ABTB2: variants seen among roughly 807,000 people sequenced by gnomAD.
ABTB2 encodes ankyrin repeat and BTB domain containing 2.
Under a neutral mutation model 104.1 loss-of-function variants are expected in ABTB2, and 56 were observed. That is an observed-to-expected ratio of 0.54 (90% CI 0.43 to 0.67). ABTB2 has a LOEUF of 0.67. Ranked by LOEUF, ABTB2 falls within the 30% of genes least tolerant of loss-of-function variation. The pLI is 0.00. For synonymous variants in ABTB2, 606 were observed against 608.2 expected (o/e 1.00, Z 0.05); for missense variants, 1,279 against 1,407.7 (o/e 0.91, Z 1.46).
intron 7 of ABTB2, among the ~76,000 whole-genome samples, chr11:34,166,144 C>T (rs1852797498): frequency 6.6e-6 from 1 of 152,234 alleles, no homozygotes; most frequent in Non-Finnish European, 1.5e-5. Flanking sequence ...AGCAACCTTC[C>T]AGCCCTCCCA....
intron 1 of ABTB2, among the ~76,000 whole-genome samples, chr11:34,257,330 T>C (rs932505009): frequency 6.6e-6 from 1 of 152,122 alleles, no homozygotes; most frequent in African/African-American, 2.4e-5. Flanking sequence ...TTAGAATTGG[T>C]ACTTATCAAA....
intron 1 of ABTB2, among the ~76,000 whole-genome samples, chr11:34,217,777 C>T (rs563264381): frequency 6.6e-6 from 1 of 152,188 alleles, no homozygotes; most frequent in Non-Finnish European, 1.5e-5. Context: ...AAGTTTTTAA[C>T]TCCTTTGGGC....
chr11:34,166,958 G>T (rs1328672279), intron 7 of ABTB2, among the ~76,000 whole-genome samples: 8 of 152,256 alleles, frequency 5.3e-5, no homozygotes, highest in African/African-American at 1.9e-4. Context: ...GTGGGACTGG[G>T]ACAGCCCCCA....
chr11:34,215,700 T>C (rs989835233), intron 1 of ABTB2, among the ~76,000 whole-genome samples: 2 of 152,346 alleles, frequency 1.3e-5, no homozygotes, highest in African/African-American at 4.8e-5. Flanking sequence ...TCATACTTCC[T>C]AATTCACAAG....
At chr11:34,155,132 C>A (rs1852604752) in intron 14 of ABTB2, among the ~76,000 whole-genome samples, 1 of 152,240 alleles carries the variant, frequency 6.6e-6, no homozygotes, top group Admixed American at 6.5e-5. Context: ...CCCCTGATGC[C>A]TGCAGCAGGG....
At chr11:34,320,998 C>T (rs1854994710) in intron 1 of ABTB2, among the ~76,000 whole-genome samples, 1 of 152,146 alleles carries the variant, frequency 6.6e-6, no homozygotes, top group South Asian at 2.1e-4. Context: ...GCCTGACCAA[C>T]ATGGAGAAAC....
At chr11:34,264,203 T>C (rs749508407) in intron 1 of ABTB2, among the ~76,000 whole-genome samples, 53 of 152,168 alleles carry the variant, frequency 3.5e-4, no homozygotes, top group Non-Finnish European at 1.2e-4. Flanking sequence ...ATAGGGAGTA[T>C]AGTGAGCAGT....
At chr11:34,167,216 C>G in intron 7 of ABTB2, 43 bp downstream of exon 7, 1 of 1,547,664 alleles carries the variant, frequency 6.5e-7, no homozygotes, top group South Asian at 1.2e-5. Flanking sequence ...CCCAGGTCAC[C>G]TGGTAAGCTG....
At chr11:34,255,172 G>A (rs553710121) in intron 1 of ABTB2, among the ~76,000 whole-genome samples, 62 of 152,098 alleles carry the variant, frequency 4.1e-4, no homozygotes, top group Non-Finnish European at 7.6e-4. Context: ...AAGCTGAATC[G>A]GATTAAGCAC....
intron 1 of ABTB2, among the ~76,000 whole-genome samples, chr11:34,237,340 C>T (rs11032573): frequency 0.019 from 2,847 of 149,162 alleles, 101 homozygotes; most frequent in African/African-American, 0.066. Context: ...GGCAGTGGCG[C>T]CATCTCAGCT....
At chr11:34,246,845 TTC>T (rs1853990987) in intron 1 of ABTB2, among the ~76,000 whole-genome samples, 2 of 126,394 alleles carry the variant, frequency 1.6e-5, no homozygotes, top group African/African-American at 3.1e-5. Flanking sequence ...TTTTTCTTTT[TTC>T]TTTTTTTTTT....
At chr11:34,305,949 C>A (rs1854765798) in intron 1 of ABTB2, among the ~76,000 whole-genome samples, 1 of 152,168 alleles carries the variant, frequency 6.6e-6, no homozygotes, top group African/African-American at 2.4e-5. Flanking sequence ...TATCAATCCA[C>A]ATCATTATAT....
At chr11:34,265,912 T>C (rs1234092781) in intron 1 of ABTB2, among the ~76,000 whole-genome samples, 3 of 152,130 alleles carry the variant, frequency 2.0e-5, no homozygotes, top group East Asian at 3.9e-4. Flanking sequence ...GAGGTTGCAG[T>C]GAGCCAAGAT....
At chr11:34,338,707 C>CA (rs965887220) in intron 1 of ABTB2, among the ~76,000 whole-genome samples, 13 of 151,984 alleles carry the variant, frequency 8.6e-5, no homozygotes, top group African/African-American at 3.1e-4. Context: ...CCTCTCAAAA[C>CA]AAAACAAAAA....
intron 1 of ABTB2, among the ~76,000 whole-genome samples, chr11:34,237,894 A>G (rs73495521): frequency 0.039 from 5,958 of 152,086 alleles, 418 homozygotes; most frequent in African/African-American, 0.14. Flanking sequence ...GTGAAACTCC[A>G]CTCAAAAACA....
intron 1 of ABTB2, among the ~76,000 whole-genome samples, chr11:34,308,868 C>CAAAAAA (rs57658114): frequency 0.014 from 1,111 of 77,636 alleles, 48 homozygotes; most frequent in South Asian, 0.034. Context: ...GAAACTGTCT[C>CAAAAAA]AAAAAAAAAA....
At chr11:34,266,055 T>A (rs745403661) in intron 1 of ABTB2, among the ~76,000 whole-genome samples, 3 of 151,756 alleles carry the variant, frequency 2.0e-5, no homozygotes, top group Non-Finnish European at 4.4e-5. Flanking sequence ...TCCAGTTCCA[T>A]CTCTACCACG....
intron 3 of ABTB2, among the ~76,000 whole-genome samples, chr11:34,186,748 G>A (rs768701860): frequency 1.3e-5 from 2 of 152,164 alleles, no homozygotes; most frequent in Non-Finnish European, 2.9e-5. Context: ...GACACTTCCT[G>A]CCCCGAATCC....
chr11:34,164,784 G>A lies in ABTB2; in HGVS notation c.1890C>T (p.Gly630=), dbSNP rs78974126. The change falls in exon 9 of 17, where the codon GGC becomes GGT. Residue 630 remains glycine (G), a synonymous_variant. Transcript: ENST00000435224. ...YELVSLLLSR[G]ADPLLSMLEA... ...CCAGCATGCTGAGGAGGGGGTCGGC[G>A]CCTCGGCTCAGCAACAAACTGACCA... 1,451 of 1,577,192 alleles carry A rather than the reference G, an allele frequency of 9.2e-4. 12 individuals are homozygous for A. The African/African-American group carries it at 0.018, about 20-fold the overall frequency.
Sources: allele counts gnomAD v4.1 joint callset (sites outside exome capture counted in the v4.1 genomes callset), GRCh38; gene constraint gnomAD v4.1.1; transcripts MANE v1.5; gene names NCBI Gene and HGNC (gene_info 2026-07-23, HGNC 2026-07-21).